SRPX2: variants seen among roughly 807,000 people sequenced by gnomAD.
SRPX2 encodes sushi repeat containing protein X-linked 2.
In SRPX2, 26 loss-of-function variants were observed where a neutral mutation model predicts 45.3. The ratio of observed to expected loss-of-function variants is 0.57; its 90% CI spans 0.42 to 0.80. The LOEUF is 0.80. Among genes scored for constraint, SRPX2 ranks in the 30% least tolerant of loss-of-function variants. The pLI, the probability that SRPX2 is intolerant of heterozygous loss-of-function variation, is 0.00. For synonymous variants in SRPX2, 125 were observed against 143.7 expected (o/e 0.87, Z 0.93); for missense variants, 355 against 399.8 (o/e 0.89, Z 0.95).
In SRPX2 at chrX:100,646,273, C is replaced by T. The variant is rs762285660; in HGVS notation, c.-50C>T. On this transcript the variant is annotated 5_prime_UTR_variant, in exon 2 of 11. Transcript: ENST00000373004. Reference sequence around the variant, plus strand: ...AAAGTCACTTTCCTTTGCCCTGGTACTTCAGGCCATATACATCTTTTCTTG... The same window carrying T: ...AAAGTCACTTTCCTTTGCCCTGGTATTTCAGGCCATATACATCTTTTCTTG... 39 of 1,130,349 alleles carry T rather than the reference C, an allele frequency of 3.5e-5. No homozygotes were observed. The East Asian group carries it at 1.0e-3, about 29-fold the overall frequency. The allele number at this position is 1,130,349 out of a possible 1,213,427, so 93.2% of individuals were successfully genotyped here.
rs927629503 is a variant in SRPX2 at position 100,666,980 on chromosome X, A to G, written c.961+47A>G. ...GGCAAGTGGATGTGGTGATCAGGGG[A>G]ACTTTGGAGGATCTTCCTCATGGAC... is the stretch of plus-strand genomic sequence containing the variant. On this transcript the variant is annotated intron_variant, in intron 8 of 10. Transcript: ENST00000373004. 6 of 1,179,207 alleles carry G rather than the reference A, an allele frequency of 5.1e-6. No homozygotes were observed. In the African/African-American group the frequency reaches 1.1e-4, roughly 21 times the overall value.
chrX:100,666,405 C>T (rs2083204608), intron 7 of SRPX2, among the ~76,000 whole-genome samples: 2 of 112,479 alleles, frequency 1.8e-5, no homozygotes, highest in Admixed American at 9.4e-5. Flanking sequence ...ATTCCTCCAA[C>T]TTATTTCTGT....
At chrX:100,667,151 G>C in intron 8 of SRPX2, 123 bp from the exon 9 acceptor site, 5 of 1,092,344 alleles carry the variant, frequency 4.6e-6, no homozygotes, top group Non-Finnish European at 6.3e-6. Flanking sequence ...TTTCCCCCAA[G>C]GGATGGGAGA....
At chrX:100,669,393 CT>C in intron 10 of SRPX2, 24 bp downstream of exon 10, 1 of 73,632 alleles carries the variant, frequency 1.4e-5, no homozygotes, top group Admixed American at 4.6e-4. Context: ...GGCTGCCAAA[CT>C]TGGGGGGAGG....
intron 10 of SRPX2, 53 bp downstream of exon 10, chrX:100,669,422 G>GGGGGGGGGGGGGGGGGC: frequency 6.3e-6 from 2 of 319,098 alleles, no homozygotes; most frequent in Non-Finnish European, 1.2e-5. Context: ...GGGGCGGGGG[G>GGGGGGGGGGGGGGGGGC]AGAAACCCTA....
chrX:100,656,059 C>T (rs1057247917), intron 3 of SRPX2, among the ~76,000 whole-genome samples: 2 of 109,130 alleles, frequency 1.8e-5, no homozygotes, highest in Non-Finnish European at 3.8e-5. Context: ...CCCGGTTTTA[C>T]CATGTTGGAC....
Position 100,669,452 on chromosome X carries a change from C to T in SRPX2, c.1217+83C>T, listed in dbSNP as rs1009302201. On this transcript the variant is annotated intron_variant, in intron 10 of 10. Coordinates refer to ENST00000373004, the MANE Select transcript of SRPX2 (RefSeq NM_014467.3). ...ACCCTAGGCAGGACACTGGCAAAAG[C>T]GGACTATGGGGAAACCATCAGACAC... is the stretch of plus-strand genomic sequence containing the variant. The T allele has an allele frequency of 5.3e-6, 5 of 942,516 alleles. No homozygotes were observed. In the South Asian group the frequency reaches 8.8e-5, roughly 17 times the overall value. 77.7% of individuals were successfully genotyped at this position (942,516 alleles called of 1,213,427 possible). A position where few individuals can be genotyped will look rare whatever the true frequency, so the allele number is the denominator to read the frequency against.
At position 100,646,418 on chromosome X, in the gene SRPX2, G is replaced by A. The variant is rs746520418; in HGVS notation, c.82+14G>A. The A allele has an allele frequency of 2.5e-6, 3 of 1,196,559 alleles. No individual in the cohort carries two copies. Among genetic ancestry groups the A allele is most frequent in the East Asian group, 3.0e-5 (1 of 33,750 alleles). ...CATGGTATGCAGGTAAGTTCTAGGA[G>A]CTGTTGCCTATTATTTCCAGGAAGG... On this transcript the variant is annotated intron_variant, in intron 2 of 10. Coordinates refer to ENST00000373004, the MANE Select transcript of SRPX2 (RefSeq NM_014467.3).
chrX:100,652,259 G>A (rs1294081497), intron 3 of SRPX2, among the ~76,000 whole-genome samples: 3 of 112,209 alleles, frequency 2.7e-5, no homozygotes, highest in African/African-American at 9.7e-5. Context: ...AGAAAGAGAT[G>A]ACAAGACTTA....
chrX:100,650,217 G>A (rs2083148247), intron 2 of SRPX2: 1 of 115,954 alleles, frequency 8.6e-6, no homozygotes, highest in Non-Finnish European at 1.8e-5. Flanking sequence ...TGCCTTTTAA[G>A]TCATCCCTCT....
intron 3 of SRPX2, 122 bp from the exon 4 acceptor site, chrX:100,662,054 C>A: frequency 3.6e-6 from 2 of 556,415 alleles, no homozygotes; most frequent in Non-Finnish European, 5.5e-6. Context: ...ATCATTTCAA[C>A]ACACCTGTGT....
At chrX:100,661,410 C>A (rs1477491463) in intron 3 of SRPX2, among the ~76,000 whole-genome samples, 2 of 112,421 alleles carry the variant, frequency 1.8e-5, no homozygotes. Context: ...ATGGCTTTGT[C>A]TTTTCACAGA....
rs749359425 is a variant in SRPX2 at position 100,666,813 on chromosome X, G to A, written c.841G>A (p.Gly281Arg). 1 of 1,212,098 alleles carries A rather than the reference G, an allele frequency of 8.3e-7. No homozygotes were observed. The highest frequency in any genetic ancestry group is 1.8e-5 in the South Asian group (1 of 57,015). The part of the protein sequence containing the change: ...QHGYLTCTSA[G>R]DNYGATCEYH... ...CGGCTACCTCACCTGCACCTCAGCG[G>A]GGGACAACTATGGTGCCACCTGTGA... is the stretch of plus-strand genomic sequence containing the variant. Residue 281 changes from glycine to arginine, a missense_variant, in exon 8 of 11, where the codon GGG becomes AGG. Physicochemically the swap from Gly to Arg is moderately radical, Grantham distance 125 (BLOSUM62 -2). Coordinates refer to ENST00000373004, the MANE Select transcript of SRPX2 (RefSeq NM_014467.3).
At position 100,665,369 on chromosome X, in the gene SRPX2, G is replaced by A. The variant is rs755766170; in HGVS notation, c.659G>A (p.Arg220Lys). The change falls in exon 6 of 11, where the codon AGG (arginine) becomes AAG (lysine). Residue 220 changes from arginine to lysine, a missense_variant and splice_region_variant. Transcript: ENST00000373004. ...GATTCTGCTGATGGTACCATCACCA[G>A]GTGAGCCTGAATAATGGATGCCCCT... Reference protein sequence around the residue: ...VKDSADGTITRVTLRGPEPGS... With the variant: ...VKDSADGTITKVTLRGPEPGS... The A allele has an allele frequency of 7.4e-6, 9 of 1,208,097 alleles. No homozygotes were observed. In the African/African-American group the frequency reaches 1.0e-4, roughly 14 times the overall value.
At chrX:100,667,857 G>A (rs888372565) in intron 9 of SRPX2, among the ~76,000 whole-genome samples, 1 of 111,829 alleles carries the variant, frequency 8.9e-6, no homozygotes, top group Non-Finnish European at 1.9e-5. Context: ...GGATACTATC[G>A]TTATCCCCAT....
chrX:100,665,185 T>C, intron 5 of SRPX2, 58 bp from the exon 6 acceptor site: 6 of 1,201,301 alleles, frequency 5.0e-6, no homozygotes, highest in Non-Finnish European at 6.7e-6. Context: ...CTTCAGTGGA[T>C]TCCCTCCAGG....
intron 4 of SRPX2, 64 bp downstream of exon 4, chrX:100,662,431 A>G (rs2083191634): frequency 5.2e-6 from 6 of 1,144,527 alleles, no homozygotes; most frequent in Non-Finnish European, 7.2e-6. Flanking sequence ...CCAGCTGCTG[A>G]GGGTATATGC....
Position 100,657,836 on chromosome X carries a change from T to C in SRPX2, c.164-4340T>C, listed in dbSNP as rs534717948. Among the ~76,000 whole-genome samples the C allele has an allele frequency of 2.3e-3, 261 of 112,263 alleles. 1 individual carries two copies. The highest frequency in any genetic ancestry group is 7.5e-3 in the African/African-American group (231 of 30,964). ...ATATTTTGTTTTTGTTTTTTGTTTT[T>C]GTTTTGGAGACGGAGTCTCCTGACC... is the stretch of plus-strand genomic sequence containing the variant. On this transcript the variant is annotated intron_variant, in intron 3 of 10. Coordinates refer to ENST00000373004, the MANE Select transcript of SRPX2 (RefSeq NM_014467.3).
intron 3 of SRPX2, among the ~76,000 whole-genome samples, chrX:100,657,347 G>GTTTTTTTTT (rs1569359823): frequency 1.7e-4 from 2 of 11,652 alleles, no homozygotes; most frequent in Non-Finnish European, 2.2e-4. Flanking sequence ...TGTTATTTAT[G>GTTTTTTTTT]TCTTTTTTTT....
Sources: allele counts gnomAD v4.1 joint callset (sites outside exome capture counted in the v4.1 genomes callset), GRCh38; gene constraint gnomAD v4.1.1; transcripts MANE v1.5; gene names NCBI Gene and HGNC (gene_info 2026-07-23, HGNC 2026-07-21).